ADAMTS18: variants seen among roughly 807,000 people sequenced by gnomAD.
ADAMTS18 encodes the protein ADAM metallopeptidase with thrombospondin type 1 motif 18, also known as A disintegrin and metalloproteinase with thrombospondin motifs 18.
Under a neutral mutation model 165.9 loss-of-function variants are expected in ADAMTS18, and 157 were observed. The observed-to-expected ratio is 0.95, with a 90% confidence interval of 0.83 to 1.08. The LOEUF is 1.08. Among genes scored for constraint, ADAMTS18 ranks in the 50% least tolerant of loss-of-function variants. The pLI is 0.00. For synonymous variants in ADAMTS18, 782 were observed against 578.2 expected, an observed-to-expected ratio of 1.35 and a Z score of -5.06; for missense variants, 2,040 against 1,534.0, an observed-to-expected ratio of 1.33 and a Z score of -5.51.
At chr16:77,342,178 G>C (rs1003936076) in intron 10 of ADAMTS18, among the ~76,000 whole-genome samples, 1 of 152,098 alleles carries the variant, frequency 6.6e-6, no homozygotes, top group Non-Finnish European at 1.5e-5. Flanking sequence ...GAAATGCCTG[G>C]TTTCATGCCC....
intron 16 of ADAMTS18, among the ~76,000 whole-genome samples, chr16:77,312,158 T>G (rs192299250): frequency 1.3e-5 from 2 of 152,164 alleles, no homozygotes; most frequent in Non-Finnish European, 2.9e-5. Context: ...AAGAGATAGA[T>G]TGATGAACCG....
At chr16:77,359,260 C>G in intron 8 of ADAMTS18, 58 bp downstream of exon 8, 1 of 1,420,044 alleles carries the variant, frequency 7.0e-7, no homozygotes, top group South Asian at 1.2e-5. Flanking sequence ...GTTAGAGGAA[C>G]ACCAATGAAT....
At chr16:77,285,048 C>A (rs986492238) in intron 22 of ADAMTS18, among the ~76,000 whole-genome samples, 18 of 152,100 alleles carry the variant, frequency 1.2e-4, no homozygotes, top group African/African-American at 3.9e-4. Context: ...GTTCAATGAG[C>A]AGGACAGATG....
At chr16:77,375,265 G>GC (rs529970598) in intron 3 of ADAMTS18, among the ~76,000 whole-genome samples, 396 of 152,056 alleles carry the variant, frequency 2.6e-3, no homozygotes, top group African/African-American at 8.6e-3. Flanking sequence ...CAGGGGATCC[G>GC]CCCACCTCAG....
At chr16:77,344,153 GTGTATA>G (rs1567499924) in intron 10 of ADAMTS18, among the ~76,000 whole-genome samples, 1 of 126,446 alleles carries the variant, frequency 7.9e-6, no homozygotes, top group Non-Finnish European at 1.8e-5. Flanking sequence ...GTATGTGTGT[GTGTATA>G]TATATATATA....
At chr16:77,414,088 A>G (rs1180838463) in intron 3 of ADAMTS18, among the ~76,000 whole-genome samples, 1 of 152,232 alleles carries the variant, frequency 6.6e-6, no homozygotes, top group Non-Finnish European at 1.5e-5. Context: ...CTGCAGAGAA[A>G]CAGAACCAAC....
chr16:77,351,908 A>AT (rs1567505348), intron 10 of ADAMTS18, among the ~76,000 whole-genome samples: 1 of 151,890 alleles, frequency 6.6e-6, no homozygotes, highest in African/African-American at 2.4e-5. Flanking sequence ...TAACTTTTTT[A>AT]TTTTTTGTAA....
At chr16:77,411,573 G>T (rs1470504800) in intron 3 of ADAMTS18, among the ~76,000 whole-genome samples, 1 of 151,818 alleles carries the variant, frequency 6.6e-6, no homozygotes, top group Admixed American at 6.6e-5. Context: ...CACAATTGGA[G>T]TGTGTTATGA....
chr16:77,341,911 T>C (rs2056404519), intron 10 of ADAMTS18, 112 bp from the exon 11 acceptor site: 1 of 877,568 alleles, frequency 1.1e-6, no homozygotes, highest in African/African-American at 1.7e-5. Context: ...ATCAGAGCAA[T>C]TATTCAGAAA....
chr16:77,334,332 ATATAT>A (rs1296516951), intron 12 of ADAMTS18, among the ~76,000 whole-genome samples: 3 of 51,452 alleles, frequency 5.8e-5, no homozygotes, highest in Non-Finnish European at 9.1e-5. Flanking sequence ...ATAATACTAC[ATATAT>A]TATACTATTA....
At chr16:77,335,027 C>A (rs2056285319) in intron 12 of ADAMTS18, among the ~76,000 whole-genome samples, 2 of 141,594 alleles carry the variant, frequency 1.4e-5, no homozygotes, top group African/African-American at 2.6e-5. Flanking sequence ...AGTATATATA[C>A]TATATATTAA....
intron 3 of ADAMTS18, among the ~76,000 whole-genome samples, chr16:77,376,104 T>C (rs560622938): frequency 1.3e-5 from 2 of 152,106 alleles, no homozygotes; most frequent in Admixed American, 1.3e-4. Flanking sequence ...GGTTTCTCCA[T>C]GTTGATCCGG....
At position 77,334,160 on chromosome 16, in the gene ADAMTS18, AGT is replaced by A. The variant is rs2056243723; in HGVS notation, c.1859+1594_1859+1595del. On this transcript the variant is annotated intron_variant, in intron 12 of 22. Coordinates refer to ENST00000282849, the MANE Select transcript of ADAMTS18 (RefSeq NM_199355.4). Reference sequence around the variant, plus strand: ...GTGTTATATATTATATATAATATACAGTGTTATATATTATATATAATATATAG... The same window carrying A: ...GTGTTATATATTATATATAATATACAGTTATATATTATATATAATATATAG... Among the ~76,000 whole-genome samples, 3 of 86,496 alleles carry A rather than the reference AGT, an allele frequency of 3.5e-5. No individual in the cohort carries two copies. The East Asian group carries it at 1.0e-3, about 30-fold the overall frequency. The allele number at this position is 86,496 out of a possible 152,430, so 56.7% of individuals were successfully genotyped here.
rs1165807118 is a variant in ADAMTS18 at position 77,367,503 on chromosome 16, C to T, written c.716G>A (p.Arg239Gln). The T allele has an allele frequency of 1.4e-5, 22 of 1,614,108 alleles. No homozygotes were observed. Among genetic ancestry groups the T allele is most frequent in the East Asian group, 2.2e-5 (1 of 44,894 alleles). ...CCTTCGATGGTGATACTCTGTCTCT[C>T]GACTCTGAGATGCATGGGGAATGTG... The part of the protein sequence containing the change: ...PSHIPHASQS[R>Q]ETEYHHRRLQ... The change falls in exon 4 of 23, where the codon CGA (arginine) becomes CAA (glutamine). Residue 239 changes from arginine to glutamine, a missense_variant. Arg to Gln is a conservative substitution (Grantham distance 43). Transcript: ENST00000282849.
chr16:77,402,200 A>G (rs528839610), intron 3 of ADAMTS18, among the ~76,000 whole-genome samples: 140 of 152,332 alleles, frequency 9.2e-4, no homozygotes, highest in African/African-American at 3.0e-3. Context: ...ACACACAGGT[A>G]TACAAAGAAC....
intron 8 of ADAMTS18, among the ~76,000 whole-genome samples, chr16:77,357,505 G>C (rs990905389): frequency 2.6e-5 from 4 of 152,138 alleles, no homozygotes; most frequent in African/African-American, 7.2e-5. Flanking sequence ...AAATATATTT[G>C]TGAAAGTAAA....
At chr16:77,284,900 C>A (rs1431900703) in intron 22 of ADAMTS18, among the ~76,000 whole-genome samples, 1 of 152,030 alleles carries the variant, frequency 6.6e-6, no homozygotes, top group Non-Finnish European at 1.5e-5. Flanking sequence ...AGTCAAGCCA[C>A]CTTATTTGCC....
chr16:77,396,103 G>A (rs1477731234), intron 3 of ADAMTS18, among the ~76,000 whole-genome samples: 1 of 152,100 alleles, frequency 6.6e-6, no homozygotes, highest in African/African-American at 2.4e-5. Context: ...ACTCTTTTGG[G>A]AAAGCCAGAA....
intron 9 of ADAMTS18, among the ~76,000 whole-genome samples, chr16:77,354,664 C>A (rs1023517145): frequency 3.9e-5 from 6 of 152,060 alleles, no homozygotes. Flanking sequence ...AGCTCTTACA[C>A]AGCTCATGAG....
Sources: allele counts gnomAD v4.1 joint callset (sites outside exome capture counted in the v4.1 genomes callset), GRCh38; gene constraint gnomAD v4.1.1; transcripts MANE v1.5; gene names NCBI Gene and HGNC (gene_info 2026-07-23, HGNC 2026-07-21).